The following AOPEP variants were observed in gnomAD, a reference collection of about 807,000 sequenced individuals.
AOPEP encodes aminopeptidase O.
AOPEP carries 77 observed loss-of-function variants against 98.1 expected under a neutral mutation model. The ratio of observed to expected loss-of-function variants is 0.78; its 90% confidence interval spans 0.65 to 0.95. AOPEP has a LOEUF of 0.95. Among genes scored for constraint, AOPEP ranks in the 40% least tolerant of loss-of-function variants. The pLI is 0.00. For missense variants in AOPEP, 1,024 were observed against 1,024.7 expected (o/e 1.00, Z 0.01); for synonymous variants, 346 against 365.3 (o/e 0.95, Z 0.60).
chr9:94,734,898 A>G (rs943768270), intron 1 of AOPEP, among the ~76,000 whole-genome samples: 7 of 152,262 alleles, frequency 4.6e-5, no homozygotes, highest in Admixed American at 1.3e-4. Flanking sequence ...TATAGATACC[A>G]GTAACATGCA....
At position 94,943,065 on chromosome 9, in the gene AOPEP, C is replaced by T. The variant is rs115759477; in HGVS notation, c.1662-12112C>T. 5.2e-3 allele frequency among the ~76,000 whole-genome samples: 787 copies of T among 152,182 alleles called. 8 individuals carry two copies. Among genetic ancestry groups the T allele is most frequent in the African/African-American group, 0.018 (754 of 41,512 alleles). On this transcript the variant is annotated intron_variant, in intron 7 of 16. Coordinates refer to ENST00000375315, the MANE Select transcript of AOPEP (RefSeq NM_001193329.3). ...ATGATCTTGCATTAGGCAATAGTTT[C>T]TTACATACTAGACACTGAAAGCATA...
intron 5 of AOPEP, among the ~76,000 whole-genome samples, chr9:94,806,863 G>T (rs904792036): frequency 6.6e-6 from 1 of 152,138 alleles, no homozygotes; most frequent in Non-Finnish European, 1.5e-5. Flanking sequence ...TTTACAGAGC[G>T]GGTATTAAGA....
chr9:94,756,918 C>T (rs548632209), intron 1 of AOPEP, among the ~76,000 whole-genome samples: 1 of 152,294 alleles, frequency 6.6e-6, no homozygotes, highest in South Asian at 2.1e-4. Flanking sequence ...TTTTGTGATT[C>T]AGTTTCCAGG....
chr9:95,086,320 A>G, intron 16 of AOPEP: 1 of 985,466 alleles, frequency 1.0e-6, no homozygotes, highest in South Asian at 4.7e-5. Flanking sequence ...ACACAGTGCC[A>G]GCAGGGGGCC....
the AOPEP span, among the ~76,000 whole-genome samples, chr9:95,132,953 G>A: frequency 6.6e-6 from 1 of 152,202 alleles, no homozygotes; most frequent in Non-Finnish European, 1.5e-5. Context: ...CACAAGTTAT[G>A]TAGACCATCA....
chr9:94,987,992 G>C (rs987763590), intron 11 of AOPEP, among the ~76,000 whole-genome samples: 1 of 152,154 alleles, frequency 6.6e-6, no homozygotes, highest in Non-Finnish European at 1.5e-5. Flanking sequence ...AGCTCCCCGG[G>C]TAAAAAGCCA....
At chr9:94,873,634 A>T (rs751550832) in intron 5 of AOPEP, among the ~76,000 whole-genome samples, 2 of 152,244 alleles carry the variant, frequency 1.3e-5, no homozygotes, top group African/African-American at 2.4e-5. Context: ...TTATGAATCA[A>T]CCTGAAGAAT....
intron 14 of AOPEP, among the ~76,000 whole-genome samples, chr9:95,069,160 C>G (rs1162480616): frequency 6.6e-6 from 1 of 152,236 alleles, no homozygotes; most frequent in Non-Finnish European, 1.5e-5. Flanking sequence ...AATGCCCAAT[C>G]GACTTACTTG....
intron 5 of AOPEP, among the ~76,000 whole-genome samples, chr9:94,922,514 A>G (rs746787505): frequency 1.3e-5 from 2 of 152,232 alleles, no homozygotes. Context: ...GTAGCATTGC[A>G]CATGCCAGAG....
chr9:94,884,630 C>T (rs967214027), intron 5 of AOPEP, among the ~76,000 whole-genome samples: 6 of 152,274 alleles, frequency 3.9e-5, no homozygotes, highest in African/African-American at 1.4e-4. Flanking sequence ...ACTTCAGTTT[C>T]GTCATCCAAA....
chr9:94,947,078 G>A (rs940482186), intron 7 of AOPEP, among the ~76,000 whole-genome samples: 1 of 148,736 alleles, frequency 6.7e-6, no homozygotes, highest in Non-Finnish European at 1.5e-5. Context: ...CTGGGTTCAC[G>A]CCATTCTCCT....
At chr9:95,046,727 A>C (rs916525636) in intron 13 of AOPEP, among the ~76,000 whole-genome samples, 3 of 152,172 alleles carry the variant, frequency 2.0e-5, no homozygotes, top group Non-Finnish European at 2.9e-5. Flanking sequence ...TCAGTTGCTC[A>C]CCGTGTTTAT....
At chr9:95,100,369 G>GATC in the AOPEP span, 1 of 231,586 alleles carries the variant, frequency 4.3e-6, no homozygotes, top group Non-Finnish European at 8.5e-6. Flanking sequence ...ATCTTCAGTG[G>GATC]ATCTATTAGC....
intron 2 of AOPEP, among the ~76,000 whole-genome samples, chr9:94,762,371 C>T (rs555298162): frequency 6.6e-5 from 10 of 151,782 alleles, no homozygotes; most frequent in Non-Finnish European, 1.2e-4. Context: ...GGCGTGAACC[C>T]GGGAGGCAGA....
intron 3 of AOPEP, among the ~76,000 whole-genome samples, chr9:94,776,821 A>G (rs1842210941): frequency 6.6e-6 from 1 of 151,812 alleles, no homozygotes; most frequent in African/African-American, 2.4e-5. Context: ...AGGAATTACT[A>G]TTATTGTATT....
At chr9:94,925,697 C>T (rs2054214710) in intron 6 of AOPEP, among the ~76,000 whole-genome samples, 1 of 152,212 alleles carries the variant, frequency 6.6e-6, no homozygotes, top group Non-Finnish European at 1.5e-5. Context: ...ATCAGTGTCC[C>T]CTGCCACATG....
the AOPEP span, among the ~76,000 whole-genome samples, chr9:95,118,016 G>A: frequency 6.6e-6 from 1 of 151,288 alleles, no homozygotes; most frequent in African/African-American, 2.4e-5. Flanking sequence ...ACCATGCCCG[G>A]CTTGTTTTTG....
chr9:95,086,301 G>A, intron 16 of AOPEP: 1 of 985,472 alleles, frequency 1.0e-6, no homozygotes, highest in South Asian at 4.7e-5. Flanking sequence ...TCCCAGGCCT[G>A]AAGGCAGGAC....
intron 7 of AOPEP, among the ~76,000 whole-genome samples, chr9:94,951,530 T>C (rs2058097443): frequency 6.6e-6 from 1 of 152,168 alleles, no homozygotes. Flanking sequence ...GAGGGTGTGA[T>C]GCATAATAAG....
Sources: gnomAD v4.1 joint callset for allele counts (sites outside exome capture counted in the v4.1 genomes callset) on GRCh38, gnomAD v4.1.1 for gene constraint, MANE v1.5 for transcripts, NCBI Gene and HGNC (gene_info 2026-07-23, HGNC 2026-07-21) for gene names.